Variants in COL23A1 observed in about 807,000 individuals in gnomAD.
COL23A1 encodes collagen alpha-1(XXIII) chain.
A neutral mutation model predicts 99.3 loss-of-function variants in COL23A1; 97 were observed. That is an observed-to-expected ratio of 0.98 (90% confidence interval 0.83 to 1.16). The LOEUF is 1.16. Among genes scored for constraint, COL23A1 ranks in the 50% most tolerant of loss-of-function variants. The pLI is 0.00. For missense variants in COL23A1, 762 were observed against 757.4 expected, an observed-to-expected ratio of 1.01 and a Z score of -0.07; for synonymous variants, 320 against 308.2, an observed-to-expected ratio of 1.04 and a Z score of -0.40.
At position 178,524,088 on chromosome 5, in the gene COL23A1, G is replaced by A. The variant is rs147213624; in HGVS notation, c.361+36594C>T. Among the ~76,000 whole-genome samples, 3 of 152,370 alleles carry A rather than the reference G, an allele frequency of 2.0e-5. No homozygotes were observed. In the East Asian group the frequency reaches 5.8e-4, roughly 29 times the overall value. On this transcript the variant is annotated intron_variant, in intron 2 of 28. Transcript: ENST00000390654. ...CCAGGACCTTTATCTCCAAGGGTCAGAACCTGGGTCACGCTAGCTTAAATA... is the reference window on the plus strand; with the variant it reads ...CCAGGACCTTTATCTCCAAGGGTCAAAACCTGGGTCACGCTAGCTTAAATA...
At chr5:178,547,674 ACC>A (rs1761719430) in intron 2 of COL23A1, among the ~76,000 whole-genome samples, 1 of 5,814 alleles carries the variant, frequency 1.7e-4, no homozygotes, top group Non-Finnish European at 2.8e-4. Flanking sequence ...CCCCCCACAC[ACC>A]CACCCCCCAC....
intron 3 of COL23A1, among the ~76,000 whole-genome samples, chr5:178,291,919 G>A (rs1021792542): frequency 5.9e-5 from 9 of 152,086 alleles, no homozygotes; most frequent in African/African-American, 9.7e-5. Context: ...AGATCAGGGC[G>A]GAACAGAGCA....
intron 2 of COL23A1, among the ~76,000 whole-genome samples, chr5:178,312,528 T>C (rs1304910954): frequency 6.6e-6 from 1 of 152,174 alleles, no homozygotes; most frequent in African/African-American, 2.4e-5. Flanking sequence ...ACAGGCTTCC[T>C]CTGAGGCCTG....
At chr5:178,532,347 G>A (rs1760694266) in intron 2 of COL23A1, among the ~76,000 whole-genome samples, 1 of 152,190 alleles carries the variant, frequency 6.6e-6, no homozygotes, top group African/African-American at 2.4e-5. Context: ...GGCCTTTTTA[G>A]GAGCAGCCTT....
intron 3 of COL23A1, among the ~76,000 whole-genome samples, chr5:178,298,420 G>A (rs982955278): frequency 3.3e-5 from 5 of 152,224 alleles, no homozygotes; most frequent in African/African-American, 1.2e-4. Context: ...CCCAAAGGGT[G>A]TGTCCAGCCT....
At chr5:178,330,314 C>T (rs1463664852) in intron 2 of COL23A1, among the ~76,000 whole-genome samples, 2 of 152,194 alleles carry the variant, frequency 1.3e-5, no homozygotes, top group East Asian at 3.9e-4. Context: ...GGTGTTACTC[C>T]CTCCTGACTG....
At chr5:178,530,586 A>G (rs899844628) in intron 2 of COL23A1, among the ~76,000 whole-genome samples, 3 of 152,236 alleles carry the variant, frequency 2.0e-5, no homozygotes, top group Non-Finnish European at 4.4e-5. Flanking sequence ...AGGAAAGGCG[A>G]TGCAGCCTCC....
chr5:178,432,610 T>C (rs1056570600), intron 2 of COL23A1, among the ~76,000 whole-genome samples: 2 of 152,140 alleles, frequency 1.3e-5, no homozygotes, highest in Non-Finnish European at 2.9e-5. Context: ...GAGCTGGGCT[T>C]GCAGACTGAG....
chr5:178,484,162 G>T (rs888774728), intron 2 of COL23A1, among the ~76,000 whole-genome samples: 4 of 152,128 alleles, frequency 2.6e-5, no homozygotes, highest in African/African-American at 9.7e-5. Context: ...GACCTCAGGT[G>T]ATCCGCCTAC....
At chr5:178,536,843 A>C (rs1760992265) in intron 2 of COL23A1, among the ~76,000 whole-genome samples, 1 of 152,160 alleles carries the variant, frequency 6.6e-6, no homozygotes, top group African/African-American at 2.4e-5. Flanking sequence ...CTGGAGAGCC[A>C]GATGTGAGCT....
intron 2 of COL23A1, among the ~76,000 whole-genome samples, chr5:178,360,852 G>A (rs778669179): frequency 6.6e-6 from 1 of 152,226 alleles, no homozygotes; most frequent in African/African-American, 2.4e-5. Context: ...GGCCAACAGA[G>A]CCAATGTGAT....
chr5:178,371,566 C>A (rs1762803388), intron 2 of COL23A1, among the ~76,000 whole-genome samples: 2 of 152,208 alleles, frequency 1.3e-5, no homozygotes, highest in Admixed American at 6.5e-5. Flanking sequence ...CGGGCCTGAG[C>A]CTCCCTCAGG....
intron 1 of COL23A1, among the ~76,000 whole-genome samples, chr5:178,563,555 A>T (rs1405822623): frequency 3.3e-5 from 4 of 121,348 alleles, no homozygotes; most frequent in Non-Finnish European, 6.6e-5. Context: ...TTTTTGAGAC[A>T]GGGTCTCACT....
chr5:178,484,197 T>A lies in COL23A1; in HGVS notation c.361+76485A>T, dbSNP rs1757487642. Among the ~76,000 whole-genome samples the A allele has an allele frequency of 2.0e-5, 3 of 152,300 alleles. No individual in the cohort carries two copies. In the South Asian group the frequency reaches 6.2e-4, roughly 32 times the overall value. On this transcript the variant is annotated intron_variant, in intron 2 of 28. Coordinates refer to ENST00000390654, the MANE Select transcript of COL23A1 (RefSeq NM_173465.4). Reference sequence around the variant, plus strand: ...CCTCAGCCTCCCAAAGTGCTGGGATTACAGGTGTGAGCCACCACGCCCAAC... The same window carrying A: ...CCTCAGCCTCCCAAAGTGCTGGGATAACAGGTGTGAGCCACCACGCCCAAC...
chr5:178,242,177 G>A (rs1764439820), intron 26 of COL23A1, 49 bp from the exon 27 acceptor site: 2 of 1,514,066 alleles, frequency 1.3e-6, no homozygotes, highest in Non-Finnish European at 1.8e-6. Flanking sequence ...CCAGGCTTAG[G>A]AACCTCCAAC....
Position 178,589,949 on chromosome 5 carries a change from G to A in COL23A1, c.249C>T (p.Ala83=), listed in dbSNP as rs1408328033. The part of the protein sequence containing the change: ...ELLRRAGPPG[A]LDAWAEPHLE... ...GGTGCGGCTCGGCCCAGGCGTCCAG[G>A]GCGCCTGGCGGCCCCGCGCGCCGCA... Residue 83 remains alanine (A), a synonymous_variant, in exon 1 of 29, where the codon GCC becomes GCT. Transcript: ENST00000390654. The surrounding 1 kb of genome is among the most constrained non-coding windows in gnomAD (Gnocchi z 5.4). The A allele has an allele frequency of 6.0e-6, 8 of 1,328,972 alleles. No homozygotes were observed. Among genetic ancestry groups the A allele is most frequent in the Non-Finnish European group, 5.7e-6 (6 of 1,046,788 alleles). The allele number at this position is 1,328,972 out of a possible 1,614,324, so 82.3% of individuals were successfully genotyped here.
At chr5:178,498,902 C>A (rs1176986715) in intron 2 of COL23A1, among the ~76,000 whole-genome samples, 1 of 149,804 alleles carries the variant, frequency 6.7e-6, no homozygotes, top group African/African-American at 2.5e-5. Flanking sequence ...CCATCCTGGC[C>A]AACGGTGAAA....
At chr5:178,490,117 T>G (rs1002479868) in intron 2 of COL23A1, among the ~76,000 whole-genome samples, 2 of 151,818 alleles carry the variant, frequency 1.3e-5, no homozygotes, top group Non-Finnish European at 2.9e-5. Flanking sequence ...GCGCCTGTAC[T>G]CAGGAGGCTG....
At position 178,499,618 on chromosome 5, in the gene COL23A1, A is replaced by C. The variant is rs560645635; in HGVS notation, c.361+61064T>G. Among the ~76,000 whole-genome samples the C allele has an allele frequency of 3.3e-5, 5 of 152,324 alleles. No homozygotes were observed. The East Asian group carries it at 9.6e-4, about 29-fold the overall frequency. On this transcript the variant is annotated intron_variant, in intron 2 of 28. Transcript: ENST00000390654. ...GCTAAGAGGAACCCAGGAAGATATG[A>C]CCACGACTGTAACGTGGCATCACAC...
Sources: gnomAD v4.1 joint callset for allele counts (sites outside exome capture counted in the v4.1 genomes callset) on GRCh38, gnomAD v4.1.1 for gene constraint, Gnocchi (gnomAD v3.1) non-coding constraint, MANE v1.5 for transcripts, NCBI Gene and HGNC (gene_info 2026-07-23, HGNC 2026-07-21) for gene names.